Variants in PTCHD4 observed in about 807,000 individuals in gnomAD.
PTCHD4 encodes the protein patched domain containing 4.
PTCHD4 carries 33 observed loss-of-function variants against 58.1 expected under a neutral mutation model. That is an observed-to-expected ratio of 0.57 (90% CI 0.43 to 0.76). The LOEUF is 0.76. Ranked by LOEUF, PTCHD4 falls within the 30% of genes least tolerant of loss-of-function variation. The pLI is 0.00. For missense variants in PTCHD4, 1,058 were observed against 1,027.1 expected (o/e 1.03, Z -0.41); for synonymous variants, 478 against 409.6 (o/e 1.17, Z -2.02).
At chr6:47,960,962 TAA>T (rs66754863) in intron 4 of PTCHD4, among the ~76,000 whole-genome samples, 73 of 119,866 alleles carry the variant, frequency 6.1e-4, no homozygotes, top group African/African-American at 1.9e-3. Context: ...CTTTTTTTTT[TAA>T]AAAAAAAAAA....
chr6:48,026,091 A>G (rs954793459), intron 3 of PTCHD4, among the ~76,000 whole-genome samples: 1 of 152,154 alleles, frequency 6.6e-6, no homozygotes, highest in Non-Finnish European at 1.5e-5. Flanking sequence ...GTGACCATTG[A>G]AAATCTTTAA....
chr6:47,872,937 T>A lies in PTCHD4; in HGVS notation c.*5366A>T, dbSNP rs1763756299. Among the ~76,000 whole-genome samples, 1 of 151,616 alleles carries A rather than the reference T, an allele frequency of 6.6e-6. No homozygotes were observed. Among genetic ancestry groups the A allele is most frequent in the African/African-American group, 2.4e-5 (1 of 41,360 alleles). ...AGCAATAGAGAGTCCTCATTAAGTA[T>A]GAAAAAAACTGATTAGAAAAAGTGT... On this transcript the variant is annotated 3_prime_UTR_variant, in exon 5 of 5. Transcript: ENST00000339488.
At chr6:48,079,197 CTG>C (rs1389167666) in intron 1 of PTCHD4, among the ~76,000 whole-genome samples, 1 of 150,824 alleles carries the variant, frequency 6.6e-6, no homozygotes, top group Admixed American at 6.6e-5. Context: ...GGTTACCAAA[CTG>C]AGGTTTTGGT....
intron 1 of PTCHD4, among the ~76,000 whole-genome samples, chr6:48,077,344 ATCT>A (rs796514935): frequency 2.6e-5 from 4 of 152,324 alleles, no homozygotes; most frequent in African/African-American, 9.6e-5. Flanking sequence ...CTTACATGGC[ATCT>A]TCTTCTAGTA....
chr6:47,918,042 T>TTCTAAGTACG (rs1478157778), intron 4 of PTCHD4, among the ~76,000 whole-genome samples: 1 of 152,112 alleles, frequency 6.6e-6, no homozygotes. Context: ...AGGAAACAGC[T>TTCTAAGTACG]TCTAAGTACG....
chr6:47,943,762 T>A (rs185006228), intron 4 of PTCHD4, among the ~76,000 whole-genome samples: 81 of 152,164 alleles, frequency 5.3e-4, no homozygotes, highest in Admixed American at 5.0e-3. Flanking sequence ...CCACAATCTG[T>A]CCCTTCAGGG....
intron 1 of PTCHD4, among the ~76,000 whole-genome samples, chr6:48,087,145 A>G (rs1765280892): frequency 6.6e-6 from 1 of 152,142 alleles, no homozygotes; most frequent in African/African-American, 2.4e-5. Context: ...GTAATGTGAC[A>G]TGGCATTTGT....
chr6:47,988,511 TC>T (rs1313298981), intron 4 of PTCHD4, among the ~76,000 whole-genome samples: 1 of 152,114 alleles, frequency 6.6e-6, no homozygotes, highest in Non-Finnish European at 1.5e-5. Context: ...TGGCTCTCTG[TC>T]CCCACCCAAA....
At chr6:47,996,436 C>A (rs556415004) in intron 4 of PTCHD4, among the ~76,000 whole-genome samples, 1 of 67,940 alleles carries the variant, frequency 1.5e-5, no homozygotes, top group East Asian at 7.3e-4. Context: ...CATTGCAGCA[C>A]TGCTCCCCAG....
intron 4 of PTCHD4, among the ~76,000 whole-genome samples, chr6:47,939,514 A>T (rs896735670): frequency 1.3e-5 from 2 of 152,064 alleles, no homozygotes; most frequent in Non-Finnish European, 2.9e-5. Flanking sequence ...GTGTTGTGGA[A>T]ATCATAATGT....
chr6:47,984,207 C>T (rs1767983483), intron 4 of PTCHD4, among the ~76,000 whole-genome samples: 1 of 152,104 alleles, frequency 6.6e-6, no homozygotes, highest in South Asian at 2.1e-4. Flanking sequence ...TATGTTCTCA[C>T]ACTGCTATAA....
chr6:48,022,005 C>T (rs772319878), intron 3 of PTCHD4, among the ~76,000 whole-genome samples: 11 of 152,074 alleles, frequency 7.2e-5, no homozygotes, highest in South Asian at 2.1e-4. Flanking sequence ...AAATCAATAA[C>T]GTAGCCTTTA....
At chr6:48,032,844 G>A (rs749687630) in intron 3 of PTCHD4, among the ~76,000 whole-genome samples, 42 of 152,022 alleles carry the variant, frequency 2.8e-4, no homozygotes, top group Non-Finnish European at 5.0e-4. Context: ...TCACTCCAAT[G>A]ACATTTGTCA....
In PTCHD4 at chr6:47,892,299, A is replaced by G. The variant is rs541862259; in HGVS notation, c.899-12363T>C. ...AAAATTAAGACCTAGAATAAAAAAG[A>G]AAATAATAAATACAAGAACTTGCAG... is the stretch of plus-strand genomic sequence containing the variant. On this transcript the variant is annotated intron_variant, in intron 4 of 4. Coordinates refer to ENST00000339488, the MANE Select transcript of PTCHD4 (RefSeq NM_001384253.1). Among the ~76,000 whole-genome samples the G allele has an allele frequency of 1.5e-4, 23 of 152,334 alleles. No individual in the cohort carries two copies. The South Asian group carries it at 2.5e-3, about 16-fold the overall frequency.
At chr6:47,916,642 C>A (rs1425474725) in intron 4 of PTCHD4, among the ~76,000 whole-genome samples, 1 of 150,474 alleles carries the variant, frequency 6.6e-6, no homozygotes, top group East Asian at 1.9e-4. Context: ...CCAGTTCAGA[C>A]ACACACATAC....
At chr6:47,901,284 A>G (rs1329726482) in intron 4 of PTCHD4, 1 of 242,768 alleles carries the variant, frequency 4.1e-6, no homozygotes, top group Non-Finnish European at 6.6e-6. Context: ...ACTCAAGTTC[A>G]TAAAGTTATT....
At chr6:48,076,133 G>T (rs1765060746) in intron 1 of PTCHD4, among the ~76,000 whole-genome samples, 1 of 152,170 alleles carries the variant, frequency 6.6e-6, no homozygotes, top group Non-Finnish European at 1.5e-5. Context: ...ACCAGTAGAT[G>T]CCATCTCAAT....
At position 48,027,896 on chromosome 6, in the gene PTCHD4, C is replaced by T. The variant is rs140093180; in HGVS notation, c.418-18782G>A. Among the ~76,000 whole-genome samples, 41 of 152,030 alleles carry T rather than the reference C, an allele frequency of 2.7e-4. 1 individual carries two copies. In the East Asian group the frequency reaches 6.2e-3, roughly 23 times the overall value. The stretch of plus-strand genomic sequence containing the variant: ...AAATAATAAGGGTGAAGGAAAGTAA[C>T]GTATATAAAAAGCAGGCAAGGAAAC... On this transcript the variant is annotated intron_variant, in intron 3 of 4. Coordinates refer to ENST00000339488, the MANE Select transcript of PTCHD4 (RefSeq NM_001384253.1).
intron 4 of PTCHD4, among the ~76,000 whole-genome samples, chr6:47,976,695 T>TAAAA (rs1554164384): frequency 2.0e-3 from 291 of 148,370 alleles, no homozygotes; most frequent in African/African-American, 6.8e-3. Context: ...AATAAATAAA[T>TAAAA]AAAAATATAA....
Sources: gnomAD v4.1 joint callset for allele counts (sites outside exome capture counted in the v4.1 genomes callset) on GRCh38, gnomAD v4.1.1 for gene constraint, MANE v1.5 for transcripts, NCBI Gene and HGNC (gene_info 2026-07-23, HGNC 2026-07-21) for gene names.